Variants in SLC39A11 observed in about 807,000 individuals in gnomAD.
The protein encoded by SLC39A11 is solute carrier family 39 member 11, also known as zinc transporter ZIP11.
SLC39A11 carries 33 observed loss-of-function variants against 36.1 expected under a neutral mutation model. That is an observed-to-expected ratio of 0.91 (90% CI 0.69 to 1.22). SLC39A11 has a LOEUF of 1.22. Among genes scored for constraint, SLC39A11 ranks in the 50% most tolerant of loss-of-function variants. The pLI is 0.00. For synonymous variants in SLC39A11, 166 were observed against 170.3 expected (o/e 0.97, Z 0.20); for missense variants, 432 against 430.3 (o/e 1.00, Z -0.03).
chr17:73,025,681 A>G (rs1453239173), intron 4 of SLC39A11, among the ~76,000 whole-genome samples: 2 of 152,362 alleles, frequency 1.3e-5, no homozygotes, highest in South Asian at 2.1e-4. Context: ...AAATAGAGTC[A>G]GAAGAAAAGA....
chr17:72,735,257 G>A (rs1427684292), intron 7 of SLC39A11, among the ~76,000 whole-genome samples: 2 of 152,136 alleles, frequency 1.3e-5, no homozygotes, highest in African/African-American at 2.4e-5. Flanking sequence ...AGAATTCAGC[G>A]ACCAGCAATG....
intron 5 of SLC39A11, among the ~76,000 whole-genome samples, chr17:72,933,052 C>A (rs1373723500): frequency 1.3e-5 from 2 of 152,214 alleles, no homozygotes; most frequent in Non-Finnish European, 2.9e-5. Flanking sequence ...TCTGCTCTTA[C>A]TCCTCCCTTC....
intron 5 of SLC39A11, among the ~76,000 whole-genome samples, chr17:72,888,492 C>A (rs1177533722): frequency 6.6e-6 from 1 of 152,200 alleles, no homozygotes; most frequent in Admixed American, 6.5e-5. Context: ...TCTGGAACCT[C>A]TTCCCTGACC....
intron 6 of SLC39A11, among the ~76,000 whole-genome samples, chr17:72,834,941 T>G (rs954906439): frequency 9.2e-5 from 14 of 152,232 alleles, no homozygotes; most frequent in African/African-American, 3.1e-4. Flanking sequence ...CATCTGCGCG[T>G]CTGTCGCCTG....
chr17:72,900,025 AG>A (rs2082249790), intron 5 of SLC39A11, among the ~76,000 whole-genome samples: 1 of 145,170 alleles, frequency 6.9e-6, no homozygotes, highest in African/African-American at 2.6e-5. Context: ...AGAGAAAGAG[AG>A]AGAGAGAGAA....
At chr17:72,651,167 G>C (rs1056351746) in intron 7 of SLC39A11, among the ~76,000 whole-genome samples, 5 of 152,152 alleles carry the variant, frequency 3.3e-5, no homozygotes, top group Non-Finnish European at 7.3e-5. Flanking sequence ...CTCACATGTG[G>C]TTCATAGAAT....
chr17:72,786,775 G>A (rs1015546869), intron 6 of SLC39A11, among the ~76,000 whole-genome samples: 1 of 152,130 alleles, frequency 6.6e-6, no homozygotes, highest in Non-Finnish European at 1.5e-5. Flanking sequence ...GCTGAGGACT[G>A]GGGTCCTAGA....
intron 6 of SLC39A11, among the ~76,000 whole-genome samples, chr17:72,741,586 C>G (rs942129411): frequency 2.6e-5 from 4 of 152,256 alleles, no homozygotes; most frequent in East Asian, 1.9e-4. Flanking sequence ...ATCACAGAGA[C>G]GTTAGGATCT....
chr17:72,998,749 C>T (rs184280376), intron 4 of SLC39A11, among the ~76,000 whole-genome samples: 135 of 152,320 alleles, frequency 8.9e-4, no homozygotes, highest in African/African-American at 2.8e-3. Context: ...CAGTATGAAA[C>T]TCATCCAATC....
chr17:72,665,099 G>C (rs1246331975), intron 7 of SLC39A11, among the ~76,000 whole-genome samples: 1 of 152,164 alleles, frequency 6.6e-6, no homozygotes, highest in African/African-American at 2.4e-5. Context: ...TACTAGCTCT[G>C]GGGGAAGCCA....
At chr17:72,883,456 G>A (rs2081303827) in intron 5 of SLC39A11, among the ~76,000 whole-genome samples, 1 of 152,174 alleles carries the variant, frequency 6.6e-6, no homozygotes, top group Admixed American at 6.5e-5. Flanking sequence ...GTATTTACAT[G>A]ATGCAAAACA....
intron 4 of SLC39A11, among the ~76,000 whole-genome samples, chr17:73,015,931 C>T (rs1361787635): frequency 6.6e-6 from 1 of 152,138 alleles, no homozygotes; most frequent in Non-Finnish European, 1.5e-5. Flanking sequence ...GCGGTGCTTT[C>T]TCATCTTAGA....
chr17:73,024,226 C>T (rs2058453718), intron 4 of SLC39A11, among the ~76,000 whole-genome samples: 1 of 152,182 alleles, frequency 6.6e-6, no homozygotes, highest in Admixed American at 6.5e-5. Flanking sequence ...GCTATTGCCC[C>T]AGAGGCTTTC....
chr17:73,034,046 G>C (rs557411618), intron 3 of SLC39A11, among the ~76,000 whole-genome samples: 1 of 152,314 alleles, frequency 6.6e-6, no homozygotes, highest in South Asian at 2.1e-4. Flanking sequence ...GAGCCGGGCT[G>C]TCAATAAAGA....
chr17:72,669,953 C>CAT (rs554284850), intron 7 of SLC39A11, among the ~76,000 whole-genome samples: 7 of 145,224 alleles, frequency 4.8e-5, no homozygotes, highest in African/African-American at 1.3e-4. Context: ...TGTATATACA[C>CAT]ATATATATAC....
chr17:72,942,151 C>T (rs1478187626), intron 5 of SLC39A11, among the ~76,000 whole-genome samples: 4 of 151,994 alleles, frequency 2.6e-5, no homozygotes, highest in Non-Finnish European at 5.9e-5. Flanking sequence ...CTGCCTCGGC[C>T]TCCCAAAGTG....
At chr17:72,798,934 A>G (rs1418728585) in intron 6 of SLC39A11, among the ~76,000 whole-genome samples, 1 of 152,014 alleles carries the variant, frequency 6.6e-6, no homozygotes, top group Non-Finnish European at 1.5e-5. Context: ...GAGAATTGAG[A>G]AGAGAGCTGA....
At position 72,817,596 on chromosome 17, in the gene SLC39A11, A is replaced by G. The variant is rs571562216; in HGVS notation, c.601+32038T>C. On this transcript the variant is annotated intron_variant, in intron 6 of 9. Coordinates refer to ENST00000255559, the MANE Select transcript of SLC39A11 (RefSeq NM_139177.4). ...TACACCCATGGGAAGCGCTCAATGGATGATGGCTATGACAACATCACTAAC... is the reference window on the plus strand; with the variant it reads ...TACACCCATGGGAAGCGCTCAATGGGTGATGGCTATGACAACATCACTAAC... 2.6e-5 allele frequency among the ~76,000 whole-genome samples: 4 copies of G among 152,342 alleles called. No homozygotes were observed. The South Asian group carries it at 8.3e-4, about 32-fold the overall frequency.
At chr17:73,009,354 C>CAAAAAAAA (rs56818175) in intron 4 of SLC39A11, among the ~76,000 whole-genome samples, 2 of 92,616 alleles carry the variant, frequency 2.2e-5, no homozygotes, top group African/African-American at 4.1e-5. Context: ...GACTCCATCT[C>CAAAAAAAA]AAAAAAAAAA....
Sources: allele counts gnomAD v4.1 joint callset (sites outside exome capture counted in the v4.1 genomes callset), GRCh38; gene constraint gnomAD v4.1.1; transcripts MANE v1.5; gene names NCBI Gene and HGNC (gene_info 2026-07-23, HGNC 2026-07-21).